The following MED14 variants were observed in gnomAD, a reference collection of about 807,000 sequenced individuals.
MED14 encodes mediator complex subunit 14, also known as mediator of RNA polymerase II transcription subunit 14.
MED14 carries 8 observed loss-of-function variants against 109.0 expected under a neutral mutation model. That is an observed-to-expected ratio of 0.07 (90% CI 0.04 to 0.13). The LOEUF (loss-of-function observed/expected upper bound fraction) is 0.13, where lower values mean the gene tolerates loss of function less well. Ranked by LOEUF, MED14 falls within the 10% of genes least tolerant of loss-of-function variation. The pLI is 1.00. For missense variants in MED14, 711 were observed against 1,142.4 expected (o/e 0.62, Z 5.44); for synonymous variants, 399 against 408.7 (o/e 0.98, Z 0.29).
chrX:40,713,132 T>C, intron 5 of MED14, 90 bp from the exon 6 acceptor site: 3 of 881,656 alleles, frequency 3.4e-6, no homozygotes, highest in Non-Finnish European at 4.6e-6. Context: ...GTCTTACTTA[T>C]AAAAATTTTT....
chrX:40,690,969 C>T (rs751207844), intron 15 of MED14, among the ~76,000 whole-genome samples: 2 of 112,263 alleles, frequency 1.8e-5, no homozygotes, highest in Non-Finnish European at 3.8e-5. Flanking sequence ...TGAAAAAGTC[C>T]ATTTTCACAT....
chrX:40,711,929 C>A (rs931176084), intron 7 of MED14, among the ~76,000 whole-genome samples: 1 of 110,805 alleles, frequency 9.0e-6, no homozygotes, highest in Non-Finnish European at 1.9e-5. Flanking sequence ...CCGTGCCCAG[C>A]CTCAAACAAG....
At position 40,675,209 on chromosome X, in the gene MED14, G is replaced by T; in HGVS notation, c.3021+12C>A. 5 of 1,152,022 alleles carry T rather than the reference G, an allele frequency of 4.3e-6. No individual in the cohort carries two copies. The highest frequency in any genetic ancestry group is 4.6e-6 in the Non-Finnish European group (4 of 867,261). 94.9% of individuals were successfully genotyped at this position (1,152,022 alleles called of 1,213,427 possible). A position where few individuals can be genotyped will look rare whatever the true frequency, so the allele number is the denominator to read the frequency against. ...AAATGTGATACCACTTGGAATTCTG[G>T]CTAGATATTACCTGTTGCTGGGGTG... On this transcript the variant is annotated intron_variant, in intron 22 of 30. Transcript: ENST00000324817.
intron 3 of MED14, among the ~76,000 whole-genome samples, chrX:40,721,560 G>A (rs966228162): frequency 1.8e-5 from 2 of 113,019 alleles, no homozygotes; most frequent in Non-Finnish European, 3.7e-5. Context: ...CCCAAAGCCT[G>A]GGGAAACTTG....
intron 1 of MED14, among the ~76,000 whole-genome samples, chrX:40,730,705 G>T (rs957112267): frequency 9.0e-6 from 1 of 111,449 alleles, no homozygotes; most frequent in Non-Finnish European, 1.9e-5. Flanking sequence ...GGATAAGAAA[G>T]CTACCATTTA....
intron 11 of MED14, among the ~76,000 whole-genome samples, chrX:40,701,503 A>T (rs1037118611): frequency 8.9e-6 from 1 of 111,924 alleles, no homozygotes; most frequent in Non-Finnish European, 1.9e-5. Flanking sequence ...ACAAGTAACA[A>T]ATACATGAAT....
At chrX:40,735,163 G>A (rs922415175) in intron 1 of MED14, 35 bp downstream of exon 1, 16 of 1,014,530 alleles carry the variant, frequency 1.6e-5, no homozygotes, top group Non-Finnish European at 1.8e-5. Context: ...CGGGAAGGGG[G>A]GCTGGGGAAC....
chrX:40,688,625 C>T lies in MED14; in HGVS notation c.1981-95G>A. 3 of 552,027 alleles carry T rather than the reference C, an allele frequency of 5.4e-6. No individual in the cohort carries two copies. The South Asian group carries it at 8.4e-5, about 15-fold the overall frequency. The allele number at this position is 552,027 out of a possible 1,213,427, so 45.5% of individuals were successfully genotyped here. On this transcript the variant is annotated intron_variant, in intron 15 of 30. Coordinates refer to ENST00000324817, the MANE Select transcript of MED14 (RefSeq NM_004229.4). ...GGTCTCTATTCTTGTGGCACCTGTTCTAGGACCATCCTTTCCCCAAGTTAC... is the reference window on the plus strand; with the variant it reads ...GGTCTCTATTCTTGTGGCACCTGTTTTAGGACCATCCTTTCCCCAAGTTAC...
intron 10 of MED14, among the ~76,000 whole-genome samples, chrX:40,707,114 T>TA (rs1931178121): frequency 9.4e-6 from 1 of 106,593 alleles, no homozygotes; most frequent in East Asian, 2.9e-4. Context: ...GATGGATAGA[T>TA]AGATAGATAG....
chrX:40,696,585 G>T (rs1210845444), intron 13 of MED14, among the ~76,000 whole-genome samples: 3 of 111,373 alleles, frequency 2.7e-5, no homozygotes, highest in African/African-American at 6.5e-5. Flanking sequence ...TGCACTAAAA[G>T]GAACACATAC....
intron 12 of MED14, 136 bp from the exon 13 acceptor site, chrX:40,697,319 G>A (rs1443211118): frequency 2.4e-6 from 1 of 416,860 alleles, no homozygotes; most frequent in African/African-American, 2.5e-5. Context: ...AGGACACATG[G>A]CCATAATGAC....
rs1324467462 is a variant in MED14 at position 40,654,510 on chromosome X, C to T, written c.4145G>A (p.Ser1382Asn). ...GTCATAAATGATTGGAACTATAATA[C>T]TAACAGGTTCTTGGGGAGGGACCGA... ...KTSVPPQEPV[S>N]IIVPIIYDMA... The change falls in exon 30 of 31, where the codon AGT becomes AAT. Residue 1382 changes from serine to asparagine, a missense_variant. Ser to Asn is a conservative substitution (Grantham distance 46). Around this residue, in one of 8 missense-constraint regions of MED14, gnomAD observed 41 missense variants for 66.9 expected, o/e 0.61. Transcript: ENST00000324817. 8.3e-7 allele frequency: 1 copy of T among 1,211,173 alleles called. No individual in the cohort carries two copies. Among genetic ancestry groups the T allele is most frequent in the Non-Finnish European group, 1.1e-6 (1 of 895,286 alleles).
At position 40,720,470 on chromosome X, in the gene MED14, T is replaced by C. The variant is rs140523028; in HGVS notation, c.349-5760A>G. ...ATTTGGACCAGCCTTGGCTAGAGAA[T>C]TGCCCATCGCAGCGGTTGGAACTTG... On this transcript the variant is annotated intron_variant, in intron 3 of 30. Transcript: ENST00000324817. Among the ~76,000 whole-genome samples the C allele has an allele frequency of 2.4e-3, 271 of 112,073 alleles. 1 individual carries two copies. Among genetic ancestry groups the C allele is most frequent in the African/African-American group, 8.4e-3 (260 of 30,885 alleles).
intron 3 of MED14, among the ~76,000 whole-genome samples, chrX:40,715,729 T>A (rs1214462857): frequency 1.1e-5 from 1 of 91,990 alleles, no homozygotes; most frequent in African/African-American, 4.4e-5. Context: ...GAGGTTGCAG[T>A]GAGCCAAGAT....
At chrX:40,701,033 A>G in intron 12 of MED14, 132 bp downstream of exon 12, 1 of 419,438 alleles carries the variant, frequency 2.4e-6, no homozygotes, top group Non-Finnish European at 4.1e-6. Flanking sequence ...ATTCTAAGGT[A>G]CCAAACGGCA....
Position 40,651,284 on chromosome X carries a change from T to C in MED14, c.*522A>G, listed in dbSNP as rs1928857655. On this transcript the variant is annotated 3_prime_UTR_variant, in exon 31 of 31. Coordinates refer to ENST00000324817, the MANE Select transcript of MED14 (RefSeq NM_004229.4). ...GAGTGTCACTGTTTTGTTTTGTTTTTGACCTAGTTTTATTAAATATTGCTT... is the reference window on the plus strand; with the variant it reads ...GAGTGTCACTGTTTTGTTTTGTTTTCGACCTAGTTTTATTAAATATTGCTT... 5 of 754,520 alleles carry C rather than the reference T, an allele frequency of 6.6e-6. No individual in the cohort carries two copies. Among genetic ancestry groups the C allele is most frequent in the Non-Finnish European group, 7.8e-6 (5 of 639,198 alleles). The allele number at this position is 754,520 out of a possible 1,213,427, so 62.2% of individuals were successfully genotyped here.
chrX:40,677,654 A>C (rs1447227113), intron 21 of MED14, among the ~76,000 whole-genome samples: 1 of 111,843 alleles, frequency 8.9e-6, no homozygotes, highest in African/African-American at 3.3e-5. Context: ...AAAGTGAGGT[A>C]TCTCCCAGAA....
chrX:40,653,402 G>A (rs1464216998), intron 30 of MED14, among the ~76,000 whole-genome samples: 1 of 111,657 alleles, frequency 9.0e-6, no homozygotes, highest in African/African-American at 3.3e-5. Context: ...GTGAGAACTC[G>A]CCTGCATATC....
chrX:40,660,539 A>C (rs1488269056), intron 26 of MED14, among the ~76,000 whole-genome samples: 1 of 112,318 alleles, frequency 8.9e-6, no homozygotes, highest in Non-Finnish European at 1.9e-5. Context: ...AGCTGAAAGC[A>C]GCTATAGACA....
Sources: gnomAD v4.1 joint callset for allele counts (sites outside exome capture counted in the v4.1 genomes callset) on GRCh38, gnomAD v4.1.1 for gene constraint, gnomAD v4.1.1 regional missense constraint, MANE v1.5 for transcripts, NCBI Gene and HGNC (gene_info 2026-07-23, HGNC 2026-07-21) for gene names.